The following NEGR1 variants were observed in gnomAD, a reference collection of about 807,000 sequenced individuals.
The protein encoded by NEGR1 is IgLON family member 4.
In NEGR1, 10 loss-of-function variants were observed where a neutral mutation model predicts 40.9. That is an observed-to-expected ratio of 0.24 (90% CI 0.15 to 0.42). The LOEUF (loss-of-function observed/expected upper bound fraction) is 0.42, where lower values mean the gene tolerates loss of function less well. NEGR1 is among the 10% of genes least tolerant of loss of function. The pLI is 1.00. For missense variants in NEGR1, 352 were observed against 438.9 expected (o/e 0.80, Z 1.77); for synonymous variants, 185 against 166.8 (o/e 1.11, Z -0.84).
At chr1:71,881,492 T>C (rs1660583158) in intron 2 of NEGR1, among the ~76,000 whole-genome samples, 1 of 152,088 alleles carries the variant, frequency 6.6e-6, no homozygotes. Context: ...TTTCTACATC[T>C]ACATTTTCCT....
At chr1:71,663,617 T>A (rs186153432) in intron 4 of NEGR1, among the ~76,000 whole-genome samples, 2 of 152,342 alleles carry the variant, frequency 1.3e-5, no homozygotes, top group Admixed American at 1.3e-4. Context: ...TGTCGCTTTT[T>A]AATTTATCCC....
chr1:72,187,995 A>G (rs940213329), intron 1 of NEGR1, among the ~76,000 whole-genome samples: 5 of 151,478 alleles, frequency 3.3e-5, no homozygotes, highest in African/African-American at 1.2e-4. Flanking sequence ...TAATCAATGC[A>G]TAAGGAAGAG....
chr1:72,133,115 C>A (rs1174310546), intron 1 of NEGR1, among the ~76,000 whole-genome samples: 1 of 151,946 alleles, frequency 6.6e-6, no homozygotes, highest in Non-Finnish European at 1.5e-5. Context: ...GACTTATAAC[C>A]ACTGTTACTA....
chr1:72,170,096 T>G (rs539454595), intron 1 of NEGR1, among the ~76,000 whole-genome samples: 1 of 152,196 alleles, frequency 6.6e-6, no homozygotes, highest in Non-Finnish European at 1.5e-5. Flanking sequence ...ATTCTAAGTA[T>G]ATTTCCTAAG....
At chr1:72,050,296 T>C (rs1202466344) in intron 1 of NEGR1, among the ~76,000 whole-genome samples, 4 of 151,678 alleles carry the variant, frequency 2.6e-5, no homozygotes, top group Non-Finnish European at 5.9e-5. Context: ...AAGGCATTTA[T>C]ATAATGCAGT....
chr1:71,698,027 T>C lies in NEGR1; in HGVS notation c.648A>G (p.Lys216=), dbSNP rs1418724042. The change falls in exon 4 of 7, where the codon AAA becomes AAG. Residue 216 remains lysine (K), a synonymous_variant. Transcript: ENST00000357731. ...ENDVSFPDVR[K]VKVVVNFAPT... ...ACTTACAGTTGACAACAACTTTTACTTTCCTCACATCTGGGAATGACACAT... is the reference window on the plus strand; with the variant it reads ...ACTTACAGTTGACAACAACTTTTACCTTCCTCACATCTGGGAATGACACAT... 1 of 1,611,318 alleles carries C rather than the reference T, an allele frequency of 6.2e-7. No homozygotes were observed. The highest frequency in any genetic ancestry group is 8.5e-7 in the Non-Finnish European group (1 of 1,178,182).
chr1:71,473,800 G>T (rs1473321119), intron 6 of NEGR1, among the ~76,000 whole-genome samples: 1 of 151,938 alleles, frequency 6.6e-6, no homozygotes, highest in Non-Finnish European at 1.5e-5. Context: ...TAAAACAAAA[G>T]AGCTCCAAAT....
chr1:71,904,945 C>T (rs1163262614), intron 2 of NEGR1, among the ~76,000 whole-genome samples: 1 of 152,064 alleles, frequency 6.6e-6, no homozygotes, highest in Non-Finnish European at 1.5e-5. Flanking sequence ...AATACAGACA[C>T]GTTAATCCAA....
chr1:71,628,126 C>A (rs1650847711), intron 4 of NEGR1, among the ~76,000 whole-genome samples: 1 of 152,008 alleles, frequency 6.6e-6, no homozygotes, highest in Non-Finnish European at 1.5e-5. Flanking sequence ...TCTACTCACT[C>A]TACTTTTATT....
rs556373640 is a variant in NEGR1, at chr1:71,802,899, CTATTTAGATGA to C, written c.410-26613_410-26603del. 2.8e-3 allele frequency among the ~76,000 whole-genome samples: 424 copies of C among 152,252 alleles called. 2 individuals are homozygous for C. Among genetic ancestry groups the C allele is most frequent in the African/African-American group, 9.9e-3 (411 of 41,558 alleles). On this transcript the variant is annotated intron_variant, in intron 2 of 6. Transcript: ENST00000357731. ...GCATACCTCTTGACTCACCTATATTCTATTTAGATGATATTTAGATGAGACTTTGGACTTGA... is the reference window on the plus strand; with the variant it reads ...GCATACCTCTTGACTCACCTATATTCTATTTAGATGAGACTTTGGACTTGA...
At position 71,555,184 on chromosome 1, in the gene NEGR1, A is replaced by G. The variant is rs188278655; in HGVS notation, c.940+37633T>C. ...TCACTCCCAATTAGAAATTGCCTAT[A>G]TTTTACATCAAACCCTGGTTTAGAC... On this transcript the variant is annotated intron_variant, in intron 6 of 6. Transcript: ENST00000357731. Among the ~76,000 whole-genome samples, 5 of 151,620 alleles carry G rather than the reference A, an allele frequency of 3.3e-5. No individual in the cohort carries two copies. The East Asian group carries it at 9.8e-4, about 30-fold the overall frequency.
At chr1:71,506,845 C>T (rs1472738322) in intron 6 of NEGR1, among the ~76,000 whole-genome samples, 1 of 152,082 alleles carries the variant, frequency 6.6e-6, no homozygotes, top group Non-Finnish European at 1.5e-5. Flanking sequence ...GTTATGCTGT[C>T]ATTGATGAAA....
chr1:72,033,322 G>C (rs755876278), intron 1 of NEGR1, among the ~76,000 whole-genome samples: 5 of 152,060 alleles, frequency 3.3e-5, no homozygotes, highest in Admixed American at 6.6e-5. Flanking sequence ...TGAATATTTA[G>C]CAGTAATAAT....
At chr1:71,897,208 C>A (rs867436979) in intron 2 of NEGR1, among the ~76,000 whole-genome samples, 12 of 151,808 alleles carry the variant, frequency 7.9e-5, no homozygotes, top group Admixed American at 7.9e-4. Context: ...CTCTGTTTTC[C>A]ATTTCAAAAC....
chr1:71,841,435 T>C (rs1353136845), intron 2 of NEGR1, among the ~76,000 whole-genome samples: 1 of 152,118 alleles, frequency 6.6e-6, no homozygotes, highest in Non-Finnish European at 1.5e-5. Flanking sequence ...AACCCCAAAT[T>C]TGAAAGACCG....
chr1:71,607,178 G>A (rs1650098466), intron 5 of NEGR1, among the ~76,000 whole-genome samples: 1 of 152,178 alleles, frequency 6.6e-6, no homozygotes, highest in African/African-American at 2.4e-5. Flanking sequence ...CCCAGTTAAA[G>A]ACCTCAGAGG....
At chr1:71,748,212 C>G (rs1001943156) in intron 3 of NEGR1, among the ~76,000 whole-genome samples, 8 of 152,050 alleles carry the variant, frequency 5.3e-5, no homozygotes, top group African/African-American at 1.9e-4. Context: ...TTCCATTTTC[C>G]CTACTTTACC....
At chr1:72,034,717 G>C (rs534051819) in intron 1 of NEGR1, among the ~76,000 whole-genome samples, 56 of 152,246 alleles carry the variant, frequency 3.7e-4, no homozygotes, top group African/African-American at 1.2e-3. Flanking sequence ...AATCAGAGTA[G>C]GTGATGATAG....
At chr1:72,122,072 T>C (rs975591035) in intron 1 of NEGR1, among the ~76,000 whole-genome samples, 2 of 151,934 alleles carry the variant, frequency 1.3e-5, no homozygotes, top group African/African-American at 4.8e-5. Flanking sequence ...TAGGAAGAAT[T>C]TGTAATTATC....
Sources: allele counts gnomAD v4.1 joint callset (sites outside exome capture counted in the v4.1 genomes callset), GRCh38; gene constraint gnomAD v4.1.1; transcripts MANE v1.5; gene names NCBI Gene and HGNC (gene_info 2026-07-23, HGNC 2026-07-21).